The following CDC42BPA variants were observed in gnomAD, a reference collection of about 807,000 sequenced individuals.
CDC42BPA encodes the protein CDC42 binding protein kinase alpha, also known as serine/threonine-protein kinase MRCK alpha.
Under a neutral mutation model 223.5 loss-of-function variants are expected in CDC42BPA, and 80 were observed. The observed-to-expected ratio is 0.36, with a 90% CI of 0.30 to 0.43. The LOEUF (loss-of-function observed/expected upper bound fraction) is 0.43, where lower values mean the gene tolerates loss of function less well. CDC42BPA is among the 20% of genes least tolerant of loss of function. The pLI is 1.00. For missense variants in CDC42BPA, 1,743 were observed against 2,099.9 expected (o/e 0.83, Z 3.32); for synonymous variants, 694 against 718.6 (o/e 0.97, Z 0.55).
intron 26 of CDC42BPA, among the ~76,000 whole-genome samples, chr1:227,034,213 G>A (rs1278787266): frequency 6.6e-6 from 1 of 152,146 alleles, no homozygotes; most frequent in Non-Finnish European, 1.5e-5. Context: ...AGAGAACTAA[G>A]GAACACAGGA....
At chr1:227,080,563 T>A (rs1020604551) in intron 17 of CDC42BPA, among the ~76,000 whole-genome samples, 4 of 152,174 alleles carry the variant, frequency 2.6e-5, no homozygotes, top group Non-Finnish European at 5.9e-5. Context: ...ACTTTTGGTC[T>A]TAGAAAGAAA....
intron 6 of CDC42BPA, among the ~76,000 whole-genome samples, chr1:227,148,771 G>GAAAAAAAAAAAAAAAAAAAAA (rs1491285386): frequency 1.3e-4 from 1 of 7,712 alleles, no homozygotes; most frequent in Non-Finnish European, 1.9e-4. Flanking sequence ...GGTCTCAAAA[G>GAAAAAAAAAAAAAAAAAAAAA]CAAAAAAAAA....
At chr1:227,001,752 C>T (rs1662895953) in intron 35 of CDC42BPA, among the ~76,000 whole-genome samples, 1 of 151,932 alleles carries the variant, frequency 6.6e-6, no homozygotes, top group African/African-American at 2.4e-5. Context: ...ACTAAAAATA[C>T]AGAAATTGGC....
chr1:227,045,840 C>T (rs1237822092), intron 23 of CDC42BPA, among the ~76,000 whole-genome samples: 5 of 152,050 alleles, frequency 3.3e-5, no homozygotes, highest in Non-Finnish European at 7.4e-5. Flanking sequence ...AGGGTCTCAC[C>T]ATGTCACTGA....
Position 227,101,157 on chromosome 1 carries a change from T to C in CDC42BPA, c.2084A>G (p.Lys695Arg), listed in dbSNP as rs1684979722. Reference sequence around the variant, plus strand: ...TTCTTCTTCATAAAAGATACTTTTCTTTTCCAAATCAGTCTTTAGTTTGGT... The same window carrying C: ...TTCTTCTTCATAAAAGATACTTTTCCTTTCCAAATCAGTCTTTAGTTTGGT... ...EITKLKTDLEKKSIFYEEELS... is the reference protein window; with the variant it reads ...EITKLKTDLERKSIFYEEELS... The change falls in exon 15 of 37, where the codon AAG becomes AGG. Residue 695 changes from lysine to arginine, a missense_variant. Lys to Arg is a conservative substitution (Grantham distance 26, BLOSUM62 2). Transcript: ENST00000366766. The C allele has an allele frequency of 6.3e-7, 1 of 1,588,962 alleles. No individual in the cohort carries two copies.
chr1:227,215,243 T>C (rs1008145606), intron 2 of CDC42BPA, among the ~76,000 whole-genome samples: 2 of 152,146 alleles, frequency 1.3e-5, no homozygotes, highest in African/African-American at 4.8e-5. Flanking sequence ...TATTGAACAC[T>C]CAAACACTTA....
chr1:227,042,935 A>G (rs1049713857), intron 23 of CDC42BPA, among the ~76,000 whole-genome samples: 1 of 152,170 alleles, frequency 6.6e-6, no homozygotes, highest in African/African-American at 2.4e-5. Context: ...TAAGCTACAC[A>G]TTGGAGAAAG....
intron 5 of CDC42BPA, among the ~76,000 whole-genome samples, chr1:227,193,232 G>A (rs1354277833): frequency 3.9e-5 from 3 of 77,442 alleles, no homozygotes; most frequent in African/African-American, 1.3e-4. Flanking sequence ...ACCACGCCCG[G>A]CTAATTTTTT....
At chr1:227,066,398 AAC>A in intron 21 of CDC42BPA, among the ~76,000 whole-genome samples, 1 of 146,074 alleles carries the variant, frequency 6.8e-6, no homozygotes, top group African/African-American at 2.6e-5. Flanking sequence ...CAAAAAAAAA[AAC>A]AAAAACAAAA....
intron 16 of CDC42BPA, among the ~76,000 whole-genome samples, chr1:227,086,265 T>C (rs1681869159): frequency 6.6e-6 from 1 of 152,240 alleles, no homozygotes; most frequent in African/African-American, 2.4e-5. Flanking sequence ...AGTTGTTTAC[T>C]ATTATGAGAA....
At chr1:227,251,849 A>G (rs1376442518) in intron 2 of CDC42BPA, among the ~76,000 whole-genome samples, 1 of 152,160 alleles carries the variant, frequency 6.6e-6, no homozygotes, top group Non-Finnish European at 1.5e-5. Flanking sequence ...CACATAGAGT[A>G]TGCGTTCTAA....
At chr1:226,996,036 A>G (rs967162026) in intron 35 of CDC42BPA, among the ~76,000 whole-genome samples, 1 of 152,176 alleles carries the variant, frequency 6.6e-6, no homozygotes, top group Non-Finnish European at 1.5e-5. Context: ...GCGTTCATAA[A>G]TAAACTGAAC....
intron 2 of CDC42BPA, among the ~76,000 whole-genome samples, chr1:227,245,293 T>A (rs1022661628): frequency 2.8e-5 from 3 of 106,810 alleles, no homozygotes; most frequent in African/African-American, 1.2e-4. Context: ...TCTTTTTTTT[T>A]TTTTTTTTTT....
At chr1:226,998,880 T>G (rs554374805) in intron 35 of CDC42BPA, among the ~76,000 whole-genome samples, 1 of 152,238 alleles carries the variant, frequency 6.6e-6, no homozygotes. Context: ...GGGAGAAAAG[T>G]TTTGCCATCT....
At position 227,146,800 on chromosome 1, in the gene CDC42BPA, T is replaced by C. The variant is rs77826150; in HGVS notation, c.894+559A>G. On this transcript the variant is annotated intron_variant, in intron 7 of 36. Coordinates refer to ENST00000366766, the MANE Select transcript of CDC42BPA (RefSeq NM_001394014.1). ...CATAGGGTAGATTCCTAGACTGAAG[T>C]TGCTCAATCAAAACCTCTAACCATT... Among the ~76,000 whole-genome samples, 15 of 152,266 alleles carry C rather than the reference T, an allele frequency of 9.9e-5. No homozygotes were observed. In the East Asian group the frequency reaches 2.5e-3, roughly 25 times the overall value.
At chr1:227,233,778 C>T (rs547390667) in intron 2 of CDC42BPA, among the ~76,000 whole-genome samples, 1 of 152,042 alleles carries the variant, frequency 6.6e-6, no homozygotes, top group South Asian at 2.1e-4. Flanking sequence ...ACTAAAAATA[C>T]AAAAATTAGC....
At chr1:227,044,271 A>G (rs974862982) in intron 23 of CDC42BPA, among the ~76,000 whole-genome samples, 12 of 152,196 alleles carry the variant, frequency 7.9e-5, no homozygotes, top group African/African-American at 2.9e-4. Context: ...AACATTGCAG[A>G]TATCTTCCAC....
At chr1:227,089,335 A>C (rs1290917980) in intron 16 of CDC42BPA, among the ~76,000 whole-genome samples, 5 of 152,236 alleles carry the variant, frequency 3.3e-5, no homozygotes, top group Non-Finnish European at 7.3e-5. Flanking sequence ...GAATAAATGG[A>C]AAGTGAAGAT....
At chr1:227,198,795 C>T (rs1221250801) in intron 4 of CDC42BPA, among the ~76,000 whole-genome samples, 2 of 151,676 alleles carry the variant, frequency 1.3e-5, no homozygotes, top group Non-Finnish European at 2.9e-5. Flanking sequence ...TGCTCTGTCA[C>T]CCAGGCTGGA....
Sources: gnomAD v4.1 joint callset for allele counts (sites outside exome capture counted in the v4.1 genomes callset) on GRCh38, gnomAD v4.1.1 for gene constraint, MANE v1.5 for transcripts, NCBI Gene and HGNC (gene_info 2026-07-23, HGNC 2026-07-21) for gene names.